The following PTPRK variants were observed in gnomAD, a reference collection of about 807,000 sequenced individuals.
PTPRK encodes receptor-type tyrosine-protein phosphatase kappa.
A neutral mutation model predicts 178.0 loss-of-function variants in PTPRK; 75 were observed. The observed-to-expected ratio is 0.42, with a 90% CI of 0.35 to 0.51. The LOEUF is 0.51. PTPRK is among the 20% of genes least tolerant of loss of function. The pLI is 0.02. For synonymous variants in PTPRK, 637 were observed against 620.6 expected, an observed-to-expected ratio of 1.03 and a Z score of -0.39; for missense variants, 1,441 against 1,797.8, an observed-to-expected ratio of 0.80 and a Z score of 3.59.
intron 14 of PTPRK, chr6:128,008,124 A>C: frequency 8.2e-7 from 1 of 1,213,452 alleles, no homozygotes; most frequent in Non-Finnish European, 1.1e-6. Flanking sequence ...ATATATTAAA[A>C]TAAACTCTGA....
chr6:127,982,993 T>A lies in PTPRK; in HGVS notation c.3388-13A>T. 6.3e-7 allele frequency: 1 copy of A among 1,594,540 alleles called. No homozygotes were observed. Among genetic ancestry groups the A allele is most frequent in the African/African-American group, 1.4e-5 (1 of 73,594 alleles). ...AAATGTACTGTTCCTACCAAAAGAA[T>A]GAAAAAGAAAATTTTGTACTAGTTT... is the stretch of plus-strand genomic sequence containing the variant. On this transcript the variant is annotated splice_polypyrimidine_tract_variant and intron_variant, in intron 23 of 29. Coordinates refer to ENST00000368226, the MANE Select transcript of PTPRK (RefSeq NM_002844.4).
chr6:128,336,261 T>C (rs1002736772), intron 2 of PTPRK, among the ~76,000 whole-genome samples: 1 of 152,160 alleles, frequency 6.6e-6, no homozygotes, highest in African/African-American at 2.4e-5. Flanking sequence ...TTTAATGTTT[T>C]CATAAATGCT....
In PTPRK at chr6:128,068,806, T is replaced by C. The variant is rs2114947644; in HGVS notation, c.1884-1014A>G. Among the ~76,000 whole-genome samples the C allele has an allele frequency of 2.0e-5, 3 of 151,924 alleles. No individual in the cohort carries two copies. In the Middle Eastern group the frequency reaches 0.01, roughly 524 times the overall value. ...CCTAAAAATTCTGGAAAAATATATG[T>C]GGTATCTTAGGTAAGTTGAACATAA... On this transcript the variant is annotated intron_variant, in intron 11 of 29. Coordinates refer to ENST00000368226, the MANE Select transcript of PTPRK (RefSeq NM_002844.4).
intron 1 of PTPRK, among the ~76,000 whole-genome samples, chr6:128,428,945 A>T (rs1342331711): frequency 2.0e-5 from 3 of 152,236 alleles, no homozygotes; most frequent in Non-Finnish European, 4.4e-5. Flanking sequence ...TGTTCTGAAC[A>T]TATTTAAGGT....
At chr6:128,171,527 A>AT (rs1800251444) in intron 7 of PTPRK, among the ~76,000 whole-genome samples, 2 of 152,054 alleles carry the variant, frequency 1.3e-5, no homozygotes, top group African/African-American at 4.8e-5. Context: ...CTGAGAATAT[A>AT]TTTTTAACTG....
intron 1 of PTPRK, among the ~76,000 whole-genome samples, chr6:128,406,666 C>T (rs1841693689): frequency 6.6e-6 from 1 of 152,160 alleles, no homozygotes; most frequent in Admixed American, 6.6e-5. Flanking sequence ...GACCTTTGCT[C>T]CCTTTCTCAT....
At chr6:128,449,685 T>C (rs2128405218) in intron 1 of PTPRK, among the ~76,000 whole-genome samples, 1 of 152,300 alleles carries the variant, frequency 6.6e-6, no homozygotes, top group Admixed American at 6.5e-5. Flanking sequence ...TGCATGTGAA[T>C]TAGGTGCTAT....
At chr6:128,269,138 G>A (rs1819395808) in intron 3 of PTPRK, among the ~76,000 whole-genome samples, 1 of 151,986 alleles carries the variant, frequency 6.6e-6, no homozygotes, top group East Asian at 1.9e-4. Flanking sequence ...CTTAAATTAT[G>A]ATAAGGGTTT....
intron 1 of PTPRK, among the ~76,000 whole-genome samples, chr6:128,504,447 G>A (rs950599182): frequency 6.6e-6 from 1 of 152,178 alleles, no homozygotes; most frequent in Admixed American, 6.5e-5. Context: ...GTCCAGGAAA[G>A]ATCTCAAGTG....
At position 128,490,362 on chromosome 6, in the gene PTPRK, G is replaced by A. The variant is rs1317763545; in HGVS notation, c.100+29897C>T. On this transcript the variant is annotated intron_variant, in intron 1 of 29. Transcript: ENST00000368226. Reference sequence around the variant, plus strand: ...ACCAGAGCAAACTGCCAACCATGACGAGAGTAAAGGATTCTGCAGATGCAT... The same window carrying A: ...ACCAGAGCAAACTGCCAACCATGACAAGAGTAAAGGATTCTGCAGATGCAT... Among the ~76,000 whole-genome samples the A allele has an allele frequency of 3.3e-5, 5 of 152,274 alleles. No individual in the cohort carries two copies. The East Asian group carries it at 5.8e-4, about 18-fold the overall frequency.
intron 7 of PTPRK, among the ~76,000 whole-genome samples, chr6:128,115,312 T>C (rs529461688): frequency 6.6e-6 from 1 of 152,266 alleles, no homozygotes; most frequent in South Asian, 2.1e-4. Flanking sequence ...GTCCCACTTC[T>C]GTAGCAAGTG....
chr6:128,170,289 C>T (rs1484834844), intron 7 of PTPRK, among the ~76,000 whole-genome samples: 1 of 152,000 alleles, frequency 6.6e-6, no homozygotes, highest in Non-Finnish European at 1.5e-5. Flanking sequence ...TTTGTCTCTA[C>T]ATCTACGCTT....
At chr6:128,125,647 T>C (rs1472901554) in intron 7 of PTPRK, among the ~76,000 whole-genome samples, 1 of 145,156 alleles carries the variant, frequency 6.9e-6, no homozygotes, top group African/African-American at 2.6e-5. Context: ...TCTTGCTGTG[T>C]CCCTTAGGCT....
chr6:128,082,634 C>T lies in PTPRK; in HGVS notation c.1580G>A (p.Ser527Asn). ...PNGIITQYEI[S>N]YSSIRSFDPA... The stretch of plus-strand genomic sequence containing the variant: ...ATCAAATGATCTTATACTGCTATAG[C>T]TGATCTGTTTTAAGAAATACATTTA... Residue 527 changes from serine to asparagine, a missense_variant, in exon 10 of 30, where the codon AGC becomes AAC. Ser to Asn is a conservative substitution (Grantham distance 46). Coordinates refer to ENST00000368226, the MANE Select transcript of PTPRK (RefSeq NM_002844.4). 7 of 1,601,350 alleles carry T rather than the reference C, an allele frequency of 4.4e-6. No homozygotes were observed. The highest frequency in any genetic ancestry group is 6.0e-6 in the Non-Finnish European group (7 of 1,170,386).
chr6:128,216,607 A>G (rs2128269913), intron 6 of PTPRK, among the ~76,000 whole-genome samples: 2 of 152,004 alleles, frequency 1.3e-5, no homozygotes, highest in Admixed American at 6.6e-5. Flanking sequence ...TATAAATTTT[A>G]TTGAAATAAT....
At chr6:128,156,076 G>T (rs1024068165) in intron 7 of PTPRK, among the ~76,000 whole-genome samples, 1 of 151,792 alleles carries the variant, frequency 6.6e-6, no homozygotes, top group Admixed American at 6.6e-5. Context: ...AAATTTTATA[G>T]TTTTGACTAC....
In PTPRK at chr6:127,976,776, G is replaced by A; in HGVS notation, c.3850C>T (p.Pro1284Ser). Residue 1284 changes from proline to serine, a missense_variant, in exon 27 of 30, where the codon CCT becomes TCT. By Grantham distance (74) the Pro-to-Ser change is moderately conservative. Transcript: ENST00000368226. ...LNEVDLSQGCPQYWPEEGMLR... is the reference protein window; with the variant it reads ...LNEVDLSQGCSQYWPEEGMLR... ...ATCCCTTCCTCTGGCCAGTACTGAG[G>A]GCAGCCCTAAATGATGAACGTTTTG... 1 of 1,613,444 alleles carries A rather than the reference G, an allele frequency of 6.2e-7. No individual in the cohort carries two copies. Among genetic ancestry groups the A allele is most frequent in the Non-Finnish European group, 8.5e-7 (1 of 1,179,888 alleles).
At chr6:128,412,843 T>C (rs1336539534) in intron 1 of PTPRK, among the ~76,000 whole-genome samples, 1 of 152,132 alleles carries the variant, frequency 6.6e-6, no homozygotes, top group East Asian at 1.9e-4. Flanking sequence ...CTTGCACTCC[T>C]TTCTCCCTAT....
intron 10 of PTPRK, among the ~76,000 whole-genome samples, chr6:128,079,687 T>C (rs1356852320): frequency 1.3e-5 from 2 of 152,018 alleles, no homozygotes; most frequent in Admixed American, 6.6e-5. Flanking sequence ...ACTGAATATA[T>C]ACTATGTGCC....
Sources: allele counts gnomAD v4.1 joint callset (sites outside exome capture counted in the v4.1 genomes callset), GRCh38; gene constraint gnomAD v4.1.1; transcripts MANE v1.5; gene names NCBI Gene and HGNC (gene_info 2026-07-23, HGNC 2026-07-21).